NUP62CL: variants seen among roughly 807,000 people sequenced by gnomAD.
The protein encoded by NUP62CL is nucleoporin-62 C-terminal-like protein.
In NUP62CL, 13 loss-of-function variants were observed where a neutral mutation model predicts 15.3. The ratio of observed to expected loss-of-function variants is 0.85; its 90% CI spans 0.55 to 1.35. The LOEUF (loss-of-function observed/expected upper bound fraction) is 1.35, where lower values mean the gene tolerates loss of function less well. Among genes scored for constraint, NUP62CL ranks in the 40% most tolerant of loss-of-function variants. The pLI, the probability that NUP62CL is intolerant of heterozygous loss-of-function variation, is 0.00. For synonymous variants in NUP62CL, 54 were observed against 49.2 expected (o/e 1.10, Z -0.41); for missense variants, 123 against 130.6 (o/e 0.94, Z 0.28).
chrX:107,156,793 G>C (rs758840428), intron 4 of NUP62CL, among the ~76,000 whole-genome samples: 1 of 106,342 alleles, frequency 9.4e-6, no homozygotes, highest in African/African-American at 3.6e-5. Flanking sequence ...TGATTTTGAC[G>C]AGCTGAGAGG....
intron 1 of NUP62CL, among the ~76,000 whole-genome samples, chrX:107,202,970 G>A (rs1429501335): frequency 1.2e-5 from 1 of 86,515 alleles, no homozygotes; most frequent in African/African-American, 4.3e-5. Context: ...AGAGCAGACC[G>A]TCTCAAAAAA....
intron 4 of NUP62CL, among the ~76,000 whole-genome samples, chrX:107,162,341 CAA>C (rs757881372): frequency 1.8e-5 from 2 of 111,089 alleles, no homozygotes; most frequent in East Asian, 2.8e-4. Context: ...TGAAAACTCT[CAA>C]AGTTTGTGAA....
At chrX:107,162,312 C>T (rs1231178470) in intron 4 of NUP62CL, among the ~76,000 whole-genome samples, 1 of 109,800 alleles carries the variant, frequency 9.1e-6, no homozygotes, top group Non-Finnish European at 1.9e-5. Flanking sequence ...GACTGAAAAA[C>T]GTATTTAAAA....
At chrX:107,177,059 C>T (rs186559106) in intron 2 of NUP62CL, among the ~76,000 whole-genome samples, 11 of 111,149 alleles carry the variant, frequency 9.9e-5, no homozygotes, top group African/African-American at 3.6e-4. Context: ...ATCACGAATA[C>T]AGAAAATTCT....
rs769770268 is a variant in NUP62CL at position 107,167,640 on chromosome X, T to C, written c.194+9A>G. The C allele has an allele frequency of 8.7e-7, 1 of 1,145,957 alleles. No individual in the cohort carries two copies. Among genetic ancestry groups the C allele is most frequent in the South Asian group, 2.0e-5 (1 of 48,795 alleles). The allele number at this position is 1,145,957 out of a possible 1,213,427, so 94.4% of individuals were successfully genotyped here. On this transcript the variant is annotated intron_variant, in intron 4 of 8. Coordinates refer to ENST00000372466, the MANE Select transcript of NUP62CL (RefSeq NM_017681.3). ...AAACACATGCAAGTTTTTAAATAAATAGGCTTACCTAACAGTTGAAGTATA... is the reference window on the plus strand; with the variant it reads ...AAACACATGCAAGTTTTTAAATAAACAGGCTTACCTAACAGTTGAAGTATA...
At position 107,175,175 on chromosome X, in the gene NUP62CL, G is replaced by A. The variant is rs201593300; in HGVS notation, c.-29C>T. On this transcript the variant is annotated 5_prime_UTR_variant, in exon 3 of 9. Transcript: ENST00000372466. ...GCTTGAACTAGTGGTGGTGGCAACA[G>A]CAGCTGCTGGAGCCAAACCTAAAAA... 1,974 of 1,099,396 alleles carry A rather than the reference G, an allele frequency of 1.8e-3. 2 individuals carry two copies. Among genetic ancestry groups the A allele is most frequent in the Non-Finnish European group, 2.4e-3 (1,909 of 811,243 alleles). 90.6% of individuals were successfully genotyped at this position (1,099,396 alleles called of 1,213,427 possible).
chrX:107,200,452 C>T (rs1447927115), intron 1 of NUP62CL, among the ~76,000 whole-genome samples: 4 of 109,651 alleles, frequency 3.6e-5, no homozygotes, highest in Admixed American at 9.8e-5. Context: ...AAACCCGTCT[C>T]TACTAAAAAT....
intron 8 of NUP62CL, among the ~76,000 whole-genome samples, chrX:107,125,708 T>G (rs1925371072): frequency 8.9e-6 from 1 of 111,760 alleles, no homozygotes; most frequent in South Asian, 3.7e-4. Flanking sequence ...GAAGCACAGA[T>G]GAGCACTACA....
intron 8 of NUP62CL, among the ~76,000 whole-genome samples, chrX:107,124,670 GT>G (rs1162153324): frequency 9.0e-6 from 1 of 111,086 alleles, no homozygotes; most frequent in Non-Finnish European, 1.9e-5. Flanking sequence ...GGGAGTATAG[GT>G]TTTGGTGGGT....
At chrX:107,193,835 T>G (rs1184269736) in intron 1 of NUP62CL, among the ~76,000 whole-genome samples, 1 of 111,665 alleles carries the variant, frequency 9.0e-6, no homozygotes, top group Non-Finnish European at 1.9e-5. Flanking sequence ...TCAAAATATA[T>G]GTCTGATATG....
At chrX:107,187,522 C>T (rs984510321) in intron 2 of NUP62CL, among the ~76,000 whole-genome samples, 10 of 112,009 alleles carry the variant, frequency 8.9e-5, no homozygotes, top group Admixed American at 1.9e-4. Context: ...CTCGGCCTCC[C>T]GAGTAGCTGG....
intron 3 of NUP62CL, 26 bp downstream of exon 3, chrX:107,175,063 T>C (rs779340769): frequency 8.9e-7 from 1 of 1,123,690 alleles, no homozygotes; most frequent in Non-Finnish European, 1.2e-6. Context: ...GAAATAACAG[T>C]ATTTTCTTTA....
At chrX:107,197,978 T>C (rs1927394711) in intron 1 of NUP62CL, among the ~76,000 whole-genome samples, 1 of 112,526 alleles carries the variant, frequency 8.9e-6, no homozygotes, top group Non-Finnish European at 1.9e-5. Flanking sequence ...TGTGAAAGCT[T>C]TCCAAAGTAT....
chrX:107,152,049 G>GATATATATATATAT (rs778670339), intron 7 of NUP62CL, among the ~76,000 whole-genome samples: 8 of 41,110 alleles, frequency 1.9e-4, no homozygotes, highest in African/African-American at 1.2e-3. Context: ...TATATATTCA[G>GATATATATATATAT]ATATATATAT....
intron 2 of NUP62CL, among the ~76,000 whole-genome samples, chrX:107,189,593 T>G (rs1447253577): frequency 9.9e-6 from 1 of 101,416 alleles, no homozygotes; most frequent in Non-Finnish European, 1.9e-5. Flanking sequence ...CTGGGCAACA[T>G]GGTGAAACCC....
At chrX:107,127,819 CA>C (rs2147789941) in intron 8 of NUP62CL, among the ~76,000 whole-genome samples, 1 of 111,316 alleles carries the variant, frequency 9.0e-6, no homozygotes, top group South Asian at 3.7e-4. Flanking sequence ...GTTAAAAACA[CA>C]AATAGGCAAC....
At chrX:107,190,806 C>A (rs764722285) in intron 2 of NUP62CL, among the ~76,000 whole-genome samples, 7 of 110,168 alleles carry the variant, frequency 6.4e-5, no homozygotes, top group Non-Finnish European at 1.1e-4. Flanking sequence ...GGCTGAGCGG[C>A]ATGCCTCATG....
At chrX:107,137,048 G>A (rs1358476967) in intron 8 of NUP62CL, among the ~76,000 whole-genome samples, 1 of 111,945 alleles carries the variant, frequency 8.9e-6, no homozygotes, top group Non-Finnish European at 1.9e-5. Flanking sequence ...TGGGCAACAA[G>A]AGTGAAACTC....
At chrX:107,150,728 GC>G (rs1452014307) in intron 7 of NUP62CL, 33 of 273,294 alleles carry the variant, frequency 1.2e-4, no homozygotes, top group Non-Finnish European at 1.9e-4. Flanking sequence ...CAAACTCTTG[GC>G]CTAAAACAGT....
Sources: allele counts gnomAD v4.1 joint callset (sites outside exome capture counted in the v4.1 genomes callset), GRCh38; gene constraint gnomAD v4.1.1; transcripts MANE v1.5; gene names NCBI Gene and HGNC (gene_info 2026-07-23, HGNC 2026-07-21).